The following PFKFB3 variants were observed in gnomAD, a reference collection of about 807,000 sequenced individuals.
PFKFB3 encodes 6-phosphofructo-2-kinase/fructose-2,6-biphosphatase 3.
Under a neutral mutation model 68.0 loss-of-function variants are expected in PFKFB3, and 33 were observed. That is an observed-to-expected ratio of 0.49 (90% CI 0.37 to 0.65). PFKFB3 has a LOEUF of 0.65. PFKFB3 is among the 30% of genes least tolerant of loss of function. PFKFB3 has a pLI of 0.00. For missense variants in PFKFB3, 586 were observed against 712.2 expected, an observed-to-expected ratio of 0.82 and a Z score of 2.02; for synonymous variants, 315 against 288.2, an observed-to-expected ratio of 1.09 and a Z score of -0.94.
At chr10:6,192,004 A>C (rs376031791) in intron 1 of PFKFB3, among the ~76,000 whole-genome samples, 84 of 122,698 alleles carry the variant, frequency 6.8e-4, no homozygotes, top group African/African-American at 2.4e-3. Flanking sequence ...GTATTCAATC[A>C]ATCCCTAGAT....
At chr10:6,304,845 CT>C in the PFKFB3 span, among the ~76,000 whole-genome samples, 3,772 of 73,778 alleles carry the variant, frequency 0.051, 75 homozygotes, top group Middle Eastern at 0.16. Flanking sequence ...ATATTAGGAA[CT>C]TTTTTTTTTT....
chr10:6,153,603 C>T (rs1156275474), intron 1 of PFKFB3, among the ~76,000 whole-genome samples: 1 of 152,178 alleles, frequency 6.6e-6, no homozygotes, highest in Non-Finnish European at 1.5e-5. Flanking sequence ...CCTCTAATCC[C>T]AGCATTTTGG....
At position 6,210,568 on chromosome 10, in the gene PFKFB3, C is replaced by T. The variant is rs1398209163; in HGVS notation, c.77-3055C>T. Among the ~76,000 whole-genome samples the T allele has an allele frequency of 4.4e-5, 3 of 67,848 alleles. 1 individual carries two copies. The highest frequency in any genetic ancestry group is 1.3e-4 in the Non-Finnish European group (3 of 23,194). 44.5% of individuals were successfully genotyped at this position (67,848 alleles called of 152,430 possible). ...ATAGACGGGGTTTCGCCATGTTAGC[C>T]AGGATAGTCTTGATAGTGTTTTTAA... On this transcript the variant is annotated intron_variant, in intron 1 of 14. Coordinates refer to ENST00000379775, the MANE Select transcript of PFKFB3 (RefSeq NM_004566.4).
intron 1 of PFKFB3, among the ~76,000 whole-genome samples, chr10:6,155,439 C>T (rs12218190): frequency 0.19 from 29,619 of 151,938 alleles, 3,199 homozygotes; most frequent in Non-Finnish European, 0.25. Context: ...CTCCTGACCT[C>T]GTGATCCGCC....
the PFKFB3 span, among the ~76,000 whole-genome samples, chr10:6,299,272 CA>C: frequency 6.6e-6 from 1 of 152,170 alleles, no homozygotes. Flanking sequence ...CTAGACGAAC[CA>C]GCTTCTATTC....
Position 6,203,306 on chromosome 10 carries a change from C to G in PFKFB3, c.46C>G (p.Pro16Ala). Reference protein sequence around the residue: ...TQSRVQKIWVPVDHRPSLPRS... With the variant: ...TQSRVQKIWVAVDHRPSLPRS... Reference sequence around the variant, plus strand: ...GAGCCGAGTGCAGAAGATCTGGGTGCCCGTGGACCACAGGCCCTCGTTGCC... The same window carrying G: ...GAGCCGAGTGCAGAAGATCTGGGTGGCCGTGGACCACAGGCCCTCGTTGCC... The change falls in exon 1 of 15, where the codon CCC becomes GCC. Residue 16 changes from proline (P) to alanine (A), a missense_variant. Transcript: ENST00000379775. 6.2e-7 allele frequency: 1 copy of G among 1,610,594 alleles called. No homozygotes were observed. The highest frequency in any genetic ancestry group is 8.5e-7 in the Non-Finnish European group (1 of 1,178,576).
the PFKFB3 span, chr10:6,294,299 A>T: frequency 2.1e-6 from 1 of 480,978 alleles, no homozygotes; most frequent in East Asian, 5.6e-5. Flanking sequence ...TAATAAAGAC[A>T]TACCTGAGAC....
Position 6,220,937 on chromosome 10 carries a change from G to GCT in PFKFB3, c.831+73_831+74dup. The GCT allele has an allele frequency of 7.3e-7, 1 of 1,368,750 alleles. No homozygotes were observed. The highest frequency in any genetic ancestry group is 1.2e-5 in the South Asian group (1 of 85,372). 84.8% of individuals were successfully genotyped at this position (1,368,750 alleles called of 1,614,324 possible). A position where few individuals can be genotyped will look rare whatever the true frequency, so the allele number is the denominator to read the frequency against. The stretch of plus-strand genomic sequence containing the variant: ...GCAGGGTCTATAGGGTGGGTGGGGA[G>GCT]CTGTGTGCTGCTGCTGCTGCTGCTG... On this transcript the variant is annotated intron_variant, in intron 8 of 14. Coordinates refer to ENST00000379775, the MANE Select transcript of PFKFB3 (RefSeq NM_004566.4). The surrounding 1 kb of genome is among the most constrained non-coding windows in gnomAD (Gnocchi z 4.1).
chr10:6,269,279 A>G, the PFKFB3 span, among the ~76,000 whole-genome samples: 1 of 151,520 alleles, frequency 6.6e-6, no homozygotes, highest in East Asian at 1.9e-4. Flanking sequence ...GAACATAAAT[A>G]ACTTTTCCTA....
rs200552794 is a variant in PFKFB3 at position 6,203,905 on chromosome 10, TTTCTC to T, written c.76+571_76+575del. Among the ~76,000 whole-genome samples, 728 of 152,224 alleles carry T rather than the reference TTTCTC, an allele frequency of 4.8e-3. 15 individuals are homozygous for T. The highest frequency in any genetic ancestry group is 0.017 in the African/African-American group (697 of 41,548). Reference sequence around the variant, plus strand: ...CACTGTTTCTTTCTGCTTTTATCTCTTTCTCTCTCCTTCTCTCTCTTCCGTGCATC... The same window carrying T: ...CACTGTTTCTTTCTGCTTTTATCTCTTCTCCTTCTCTCTCTTCCGTGCATC... On this transcript the variant is annotated intron_variant, in intron 1 of 14. Coordinates refer to ENST00000379775, the MANE Select transcript of PFKFB3 (RefSeq NM_004566.4).
chr10:6,226,155 C>G (rs775061441), intron 13 of PFKFB3, 37 bp from the exon 14 acceptor site: 1 of 1,515,396 alleles, frequency 6.6e-7, no homozygotes, highest in East Asian at 2.4e-5. Flanking sequence ...TTCTTTGTAA[C>G]TGTCGCCTTT....
At chr10:6,225,696 C>A (rs1000510517) in intron 13 of PFKFB3, among the ~76,000 whole-genome samples, 2 of 144,730 alleles carry the variant, frequency 1.4e-5, no homozygotes, top group Non-Finnish European at 3.1e-5. Flanking sequence ...AGCCTCCGTG[C>A]CCCATCCTAA....
chr10:6,286,291 C>T, the PFKFB3 span, among the ~76,000 whole-genome samples: 3 of 151,056 alleles, frequency 2.0e-5, no homozygotes, highest in Non-Finnish European at 3.0e-5. Context: ...CACTTTTAAT[C>T]TATTTATATC....
At chr10:6,307,504 T>C in the PFKFB3 span, among the ~76,000 whole-genome samples, 1 of 150,420 alleles carries the variant, frequency 6.6e-6, no homozygotes, top group Middle Eastern at 3.4e-3. Flanking sequence ...AATATCTCCT[T>C]CTCTTTTTCC....
chr10:6,206,585 C>G (rs1272363492), intron 1 of PFKFB3, among the ~76,000 whole-genome samples: 1 of 128,402 alleles, frequency 7.8e-6, no homozygotes, highest in African/African-American at 3.2e-5. Context: ...CAGGGGCTGA[C>G]CCCCCCACCT....
At chr10:6,241,096 G>A (rs1257472462) in intron 14 of PFKFB3, among the ~76,000 whole-genome samples, 6 of 151,938 alleles carry the variant, frequency 3.9e-5, no homozygotes, top group Non-Finnish European at 8.8e-5. Flanking sequence ...TAGTAGAGAC[G>A]GGGTTTCTCC....
chr10:6,295,527 A>AT, the PFKFB3 span, among the ~76,000 whole-genome samples: 56 of 147,694 alleles, frequency 3.8e-4, no homozygotes, highest in Middle Eastern at 3.5e-3. Flanking sequence ...CACCCAGCCA[A>AT]TTTTTTTTTT....
rs1014131274 is a variant in PFKFB3 at position 6,226,121 on chromosome 10, T to C, written c.1342-71T>C. ...TCTAAAATCCAGGAGCAGAGAAACT[T>C]TTTTGGGGCTAATTTTCCTCCCCTT... On this transcript the variant is annotated intron_variant, in intron 13 of 14. Coordinates refer to ENST00000379775, the MANE Select transcript of PFKFB3 (RefSeq NM_004566.4). The C allele has an allele frequency of 5.0e-6, 7 of 1,401,596 alleles. No homozygotes were observed. The Admixed American group carries it at 1.4e-4, about 28-fold the overall frequency. The allele number at this position is 1,401,596 out of a possible 1,614,324, so 86.8% of individuals were successfully genotyped here.
At chr10:6,273,653 G>C in the PFKFB3 span, among the ~76,000 whole-genome samples, 1 of 152,184 alleles carries the variant, frequency 6.6e-6, no homozygotes, top group Admixed American at 6.5e-5. Flanking sequence ...CTTATTTGGA[G>C]AAAAGTCTTT....
Sources: allele counts gnomAD v4.1 joint callset (sites outside exome capture counted in the v4.1 genomes callset), GRCh38; gene constraint gnomAD v4.1.1; non-coding constraint Gnocchi (gnomAD v3.1); transcripts MANE v1.5; gene names NCBI Gene and HGNC (gene_info 2026-07-23, HGNC 2026-07-21).